ASTN1: variants seen among roughly 807,000 people sequenced by gnomAD.
ASTN1 encodes the protein astrotactin 1, also known as astrotactin-1.
Under a neutral mutation model 140.7 loss-of-function variants are expected in ASTN1, and 41 were observed. The ratio of observed to expected loss-of-function variants is 0.29; its 90% CI spans 0.23 to 0.38. The LOEUF (loss-of-function observed/expected upper bound fraction) is 0.38, where lower values mean the gene tolerates loss of function less well. Ranked by LOEUF, ASTN1 falls within the 10% of genes least tolerant of loss-of-function variation. ASTN1 has a pLI of 1.00. For synonymous variants in ASTN1, 640 were observed against 652.2 expected, an observed-to-expected ratio of 0.98 and a Z score of 0.29; for missense variants, 1,479 against 1,678.8, an observed-to-expected ratio of 0.88 and a Z score of 2.08.
chr1:177,108,918 A>T (rs2102149291), intron 1 of ASTN1, among the ~76,000 whole-genome samples: 1 of 152,296 alleles, frequency 6.6e-6, no homozygotes, highest in African/African-American at 2.4e-5. Flanking sequence ...ATCTAGGAAG[A>T]AAAGGCAGAG....
chr1:176,992,615 CA>C (rs1674242234), intron 8 of ASTN1, among the ~76,000 whole-genome samples: 1 of 152,080 alleles, frequency 6.6e-6, no homozygotes, highest in Non-Finnish European at 1.5e-5. Context: ...CCTTTCTTTC[CA>C]AAACGACTTG....
intron 8 of ASTN1, among the ~76,000 whole-genome samples, chr1:176,970,245 G>A (rs574575628): frequency 6.6e-6 from 1 of 152,172 alleles, no homozygotes; most frequent in African/African-American, 2.4e-5. Flanking sequence ...GCCTTGATTT[G>A]ACTTGATGCT....
At chr1:177,058,785 A>T (rs947052139) in intron 2 of ASTN1, among the ~76,000 whole-genome samples, 1 of 151,538 alleles carries the variant, frequency 6.6e-6, no homozygotes, top group Admixed American at 6.6e-5. Context: ...TGGTGCTCCC[A>T]TCCCCCCAGC....
chr1:177,011,539 A>G (rs941433139), intron 8 of ASTN1, among the ~76,000 whole-genome samples: 2 of 151,892 alleles, frequency 1.3e-5, no homozygotes, highest in Non-Finnish European at 2.9e-5. Flanking sequence ...TACTATAAAC[A>G]AACTGGCTTC....
chr1:176,962,069 C>T (rs1351774185), intron 9 of ASTN1, among the ~76,000 whole-genome samples: 1 of 152,174 alleles, frequency 6.6e-6, no homozygotes, highest in Non-Finnish European at 1.5e-5. Flanking sequence ...CTTGACCTGG[C>T]ATCTCCACGC....
At chr1:176,860,078 G>C (rs1288977418), downstream of ASTN1, among the ~76,000 whole-genome samples, 1 of 152,186 alleles carries the variant, frequency 6.6e-6, no homozygotes, top group Non-Finnish European at 1.5e-5. Flanking sequence ...CAGCACAGTG[G>C]CCTTGAATTT....
chr1:177,056,678 C>G (rs542916739), intron 2 of ASTN1, among the ~76,000 whole-genome samples: 6 of 151,684 alleles, frequency 4.0e-5, no homozygotes, highest in Non-Finnish European at 8.8e-5. Context: ...ATTAACACTG[C>G]CATCTTTAAT....
Position 177,153,925 on chromosome 1 carries a change from C to T in ASTN1, c.283+10469G>A, listed in dbSNP as rs80163586. Among the ~76,000 whole-genome samples, 880 of 152,088 alleles carry T rather than the reference C, an allele frequency of 5.8e-3. 8 individuals are homozygous for T. Among genetic ancestry groups the T allele is most frequent in the African/African-American group, 0.02 (844 of 41,484 alleles). ...ACAAATATTAGAACACTGTACAATG[C>T]CAAGTGTCGGTGGGAGTATGAGGAT... On this transcript the variant is annotated intron_variant, in intron 1 of 22. Coordinates refer to ENST00000361833, the MANE Select transcript of ASTN1 (RefSeq NM_004319.3).
chr1:176,970,734 GTGTGT>G (rs1558000427), intron 8 of ASTN1, among the ~76,000 whole-genome samples: 2 of 145,276 alleles, frequency 1.4e-5, no homozygotes, highest in African/African-American at 5.5e-5. Context: ...GGGTATGGGT[GTGTGT>G]GTGTGTGTGT....
chr1:177,056,299 A>G (rs1203285279), intron 2 of ASTN1, among the ~76,000 whole-genome samples: 1 of 152,064 alleles, frequency 6.6e-6, no homozygotes, highest in Admixed American at 6.6e-5. Flanking sequence ...TTTGTCTCCA[A>G]ATCTTGTTCC....
chr1:177,144,315 C>G (rs185968328), intron 1 of ASTN1, among the ~76,000 whole-genome samples: 14 of 150,752 alleles, frequency 9.3e-5, no homozygotes, highest in African/African-American at 2.7e-4. Context: ...TGCAGTGGCG[C>G]GATCTCGGCT....
intron 1 of ASTN1, among the ~76,000 whole-genome samples, chr1:177,123,235 T>C (rs1417668477): frequency 6.6e-6 from 1 of 152,144 alleles, no homozygotes; most frequent in Non-Finnish European, 1.5e-5. Flanking sequence ...GTACAGGTGA[T>C]GGCTTCATTC....
chr1:176,858,451 A>G (rs544370469), downstream of ASTN1, among the ~76,000 whole-genome samples: 19 of 152,312 alleles, frequency 1.2e-4, no homozygotes, highest in Admixed American at 8.5e-4. Flanking sequence ...TCAGGGCAGT[A>G]GGCATTTGTT....
chr1:176,894,031 C>T (rs181196648), intron 17 of ASTN1, among the ~76,000 whole-genome samples: 15 of 152,288 alleles, frequency 9.8e-5, no homozygotes, highest in Non-Finnish European at 1.6e-4. Flanking sequence ...CTGGATGTGG[C>T]GTTTTGTTCT....
chr1:176,943,843 G>C, intron 14 of ASTN1, 48 bp downstream of exon 14: 1 of 1,534,954 alleles, frequency 6.5e-7, no homozygotes, highest in Non-Finnish European at 8.8e-7. Context: ...AAACTGCAGG[G>C]AGCTGCCTGT....
intron 5 of ASTN1, among the ~76,000 whole-genome samples, chr1:177,028,226 G>A (rs535115518): frequency 6.6e-6 from 1 of 152,264 alleles, no homozygotes; most frequent in East Asian, 1.9e-4. Flanking sequence ...CTTTATTAAA[G>A]CAGGACACAC....
At chr1:177,148,841 C>A (rs1682839559) in intron 1 of ASTN1, among the ~76,000 whole-genome samples, 1 of 151,514 alleles carries the variant, frequency 6.6e-6, no homozygotes, top group African/African-American at 2.4e-5. Context: ...ATGAAGCACA[C>A]AGAACTGTGA....
intron 7 of ASTN1, among the ~76,000 whole-genome samples, chr1:177,015,331 G>GA (rs1321504758): frequency 6.6e-6 from 1 of 152,144 alleles, no homozygotes; most frequent in African/African-American, 2.4e-5. Context: ...ATGCTAATGG[G>GA]AAAAACAGCC....
At chr1:177,156,133 G>T (rs1264801580) in intron 1 of ASTN1, among the ~76,000 whole-genome samples, 1 of 152,000 alleles carries the variant, frequency 6.6e-6, no homozygotes, top group Admixed American at 6.6e-5. Flanking sequence ...AGCTGGGTGT[G>T]GTGGCGGGCA....
Sources: gnomAD v4.1 joint callset for allele counts (sites outside exome capture counted in the v4.1 genomes callset) on GRCh38, gnomAD v4.1.1 for gene constraint, MANE v1.5 for transcripts, NCBI Gene and HGNC (gene_info 2026-07-23, HGNC 2026-07-21) for gene names.